Variants in F5 observed in about 807,000 individuals in gnomAD.
F5 encodes the protein activated protein c cofactor.
Under a neutral mutation model 216.4 loss-of-function variants are expected in F5, and 138 were observed. The ratio of observed to expected loss-of-function variants is 0.64; its 90% confidence interval spans 0.56 to 0.73. The LOEUF (loss-of-function observed/expected upper bound fraction) is 0.73. Among genes scored for constraint, F5 ranks in the 30% least tolerant of loss-of-function variants. The pLI is 0.00. For synonymous variants in F5, 916 were observed against 930.7 expected, an observed-to-expected ratio of 0.98 and a Z score of 0.29; for missense variants, 2,403 against 2,674.0, an observed-to-expected ratio of 0.90 and a Z score of 2.24.
At position 169,513,701 on chromosome 1, in the gene F5, A is replaced by G. The variant is rs948962437; in HGVS notation, c.*612T>C. Among the ~76,000 whole-genome samples, 1 of 152,122 alleles carries G rather than the reference A, an allele frequency of 6.6e-6. No individual in the cohort carries two copies. Among genetic ancestry groups the G allele is most frequent in the Non-Finnish European group, 1.5e-5 (1 of 67,994 alleles). On this transcript the variant is annotated 3_prime_UTR_variant, in exon 25 of 25. Coordinates refer to ENST00000367797, the MANE Select transcript of F5 (RefSeq NM_000130.5). ...TTCTGTTCCATATCTAATGACCACC[A>G]ACCTTGAATATCAATGTGTGCAGTC...
chr1:169,558,945 T>C (rs567042693), intron 5 of F5, among the ~76,000 whole-genome samples: 2 of 151,984 alleles, frequency 1.3e-5, no homozygotes, highest in Admixed American at 6.6e-5. Context: ...CAGGTCACTA[T>C]ACCTAACAAG....
chr1:169,512,516 C>T lies in F5; in HGVS notation c.*1797G>A, dbSNP rs894458579. On this transcript the variant is annotated 3_prime_UTR_variant, in exon 25 of 25. Transcript: ENST00000367797. ...GGTAACTGCAAAGCATTAAATTTAG[C>T]ATGCGGTCCTTCTGAGCATGTGACC... Among the ~76,000 whole-genome samples, 1 of 152,036 alleles carries T rather than the reference C, an allele frequency of 6.6e-6. No homozygotes were observed. The highest frequency in any genetic ancestry group is 1.5e-5 in the Non-Finnish European group (1 of 67,966).
In F5 at chr1:169,513,348, G is replaced by A. The variant is rs923817249; in HGVS notation, c.*965C>T. Among the ~76,000 whole-genome samples, 14 of 151,992 alleles carry A rather than the reference G, an allele frequency of 9.2e-5. No individual in the cohort carries two copies. Among genetic ancestry groups the A allele is most frequent in the Admixed American group, 2.0e-4 (3 of 15,240 alleles). On this transcript the variant is annotated 3_prime_UTR_variant, in exon 25 of 25. Coordinates refer to ENST00000367797, the MANE Select transcript of F5 (RefSeq NM_000130.5). ...CATGTGATTTTAAGGATGTCTAAAGGTTCCCCAGTTGTGCAATATCTACAG... is the reference window on the plus strand; with the variant it reads ...CATGTGATTTTAAGGATGTCTAAAGATTCCCCAGTTGTGCAATATCTACAG...
intron 23 of F5, 183 bp from the exon 24 acceptor site, chr1:169,515,809 T>C: frequency 1.6e-6 from 1 of 617,432 alleles, no homozygotes; most frequent in South Asian, 1.9e-5. Flanking sequence ...GTGTGTAAAT[T>C]TTTATTGAAG....
intron 3 of F5, among the ~76,000 whole-genome samples, chr1:169,566,300 G>T (rs954840510): frequency 6.6e-6 from 1 of 152,038 alleles, no homozygotes; most frequent in East Asian, 1.9e-4. Flanking sequence ...AGTAGAAAAT[G>T]ATATTCTTTC....
At chr1:169,543,728 G>T (rs1486881174) in intron 12 of F5, among the ~76,000 whole-genome samples, 3 of 152,204 alleles carry the variant, frequency 2.0e-5, no homozygotes, top group Non-Finnish European at 4.4e-5. Flanking sequence ...TCTACTGAGT[G>T]CTAGGCACTT....
At chr1:169,538,082 T>C (rs1659748675) in intron 13 of F5, among the ~76,000 whole-genome samples, 1 of 152,072 alleles carries the variant, frequency 6.6e-6, no homozygotes, top group South Asian at 2.1e-4. Context: ...AACCCAAATG[T>C]CTATAAACAA....
rs917533119 is a variant in F5, at chr1:169,513,665, G to A, written c.*648C>T. 1.3e-5 allele frequency among the ~76,000 whole-genome samples: 2 copies of A among 152,020 alleles called. No individual in the cohort carries two copies. The highest frequency in any genetic ancestry group is 2.4e-5 in the African/African-American group (1 of 41,406). On this transcript the variant is annotated 3_prime_UTR_variant, in exon 25 of 25. Coordinates refer to ENST00000367797, the MANE Select transcript of F5 (RefSeq NM_000130.5). Reference sequence around the variant, plus strand: ...AACATTACACATTCAGTTCTACCATGGTTATTTCAGTTCTGTTCCATATCT... The same window carrying A: ...AACATTACACATTCAGTTCTACCATAGTTATTTCAGTTCTGTTCCATATCT...
chr1:169,528,138 C>A (rs769793667), intron 16 of F5, 44 bp from the exon 17 acceptor site: 2 of 1,609,888 alleles, frequency 1.2e-6, no homozygotes, highest in Non-Finnish European at 1.7e-6. Flanking sequence ...TCTGTTGACA[C>A]AGAGAGGGCG....
At chr1:169,523,105 A>AT (rs1424880867) in intron 21 of F5, 92 bp downstream of exon 21, 4 of 1,431,764 alleles carry the variant, frequency 2.8e-6, no homozygotes, top group Non-Finnish European at 3.9e-6. Flanking sequence ...CCAGAAAGGT[A>AT]TTTTTTAAAA....
At position 169,530,818 on chromosome 1, in the gene F5, G is replaced by T; in HGVS notation, c.5176C>A (p.Arg1726=). ...SGPESPGSAC[R]AWAYYSAVNP... ...ACAGCTGAGTAGTAGGCCCAAGCCC[G>T]ACAGGCAGAGCCAGGACTTTCTGGC... is the stretch of plus-strand genomic sequence containing the variant. The change falls in exon 15 of 25, where the codon CGG becomes AGG. Residue 1726 remains arginine (R), a synonymous_variant. Transcript: ENST00000367797. The T allele has an allele frequency of 6.2e-7, 1 of 1,613,860 alleles. No individual in the cohort carries two copies. Among genetic ancestry groups the T allele is most frequent in the Non-Finnish European group, 8.5e-7 (1 of 1,179,796 alleles).
intron 14 of F5, among the ~76,000 whole-genome samples, chr1:169,534,045 A>G (rs553868440): frequency 2.3e-4 from 35 of 152,312 alleles, no homozygotes; most frequent in African/African-American, 7.9e-4. Flanking sequence ...TAGATTACAG[A>G]CATTGTATAG....
In F5 at chr1:169,518,623, C is replaced by A. The variant is rs1571557544; in HGVS notation, c.6194-60G>T. On this transcript the variant is annotated intron_variant, in intron 22 of 24. Transcript: ENST00000367797. The stretch of plus-strand genomic sequence containing the variant: ...CCAATATTCCCTGCATGGCTTCATG[C>A]ACTGCAGAGGAGATAAGAAATAATA... 1.9e-6 allele frequency: 3 copies of A among 1,555,282 alleles called. No individual in the cohort carries two copies. The East Asian group carries it at 6.8e-5, about 35-fold the overall frequency.
chr1:169,560,810 G>T, intron 3 of F5, 44 bp from the exon 4 acceptor site: 1 of 1,588,804 alleles, frequency 6.3e-7, no homozygotes, highest in Non-Finnish European at 8.6e-7. Flanking sequence ...AGTTTCTGAG[G>T]ATTGCGTTTT....
chr1:169,552,506 T>C lies in F5; in HGVS notation c.1296+51A>G, dbSNP rs1660195165. Reference sequence around the variant, plus strand: ...AATTAAAAAATAACCAGGTACTCCATAATATTTTACTATGTAATTTCTCCC... The same window carrying C: ...AATTAAAAAATAACCAGGTACTCCACAATATTTTACTATGTAATTTCTCCC... On this transcript the variant is annotated intron_variant, in intron 8 of 24. Transcript: ENST00000367797. 2.7e-6 allele frequency: 4 copies of C among 1,475,400 alleles called. No individual in the cohort carries two copies. In the African/African-American group the frequency reaches 4.2e-5, roughly 15 times the overall value. The allele number at this position is 1,475,400 out of a possible 1,614,324, so 91.4% of individuals were successfully genotyped here. A position where few individuals can be genotyped will look rare whatever the true frequency, so the allele number is the denominator to read the frequency against.
chr1:169,518,161 AT>A (rs1424698974), intron 23 of F5, among the ~76,000 whole-genome samples: 1 of 152,188 alleles, frequency 6.6e-6, no homozygotes, highest in Non-Finnish European at 1.5e-5. Flanking sequence ...AGAAAAATTA[AT>A]TTGCTTATTA....
intron 2 of F5, among the ~76,000 whole-genome samples, chr1:169,574,438 A>G (rs1660796645): frequency 6.6e-6 from 1 of 152,152 alleles, no homozygotes; most frequent in South Asian, 2.1e-4. Flanking sequence ...CATTCCAGAC[A>G]AGTGACAGAA....
chr1:169,549,034 C>G (rs943089965), intron 10 of F5, among the ~76,000 whole-genome samples: 4 of 152,160 alleles, frequency 2.6e-5, no homozygotes, highest in African/African-American at 9.7e-5. Flanking sequence ...AATAGAAAAG[C>G]CTTATGCTTC....
At chr1:169,560,827 T>A in intron 3 of F5, 61 bp from the exon 4 acceptor site, 1 of 1,483,770 alleles carries the variant, frequency 6.7e-7, no homozygotes, top group Non-Finnish European at 9.4e-7. Context: ...TTTTCACCAC[T>A]CTCAAATCTG....
Sources: allele counts gnomAD v4.1 joint callset (sites outside exome capture counted in the v4.1 genomes callset), GRCh38; gene constraint gnomAD v4.1.1; transcripts MANE v1.5; gene names NCBI Gene and HGNC (gene_info 2026-07-23, HGNC 2026-07-21).